The following CDH13 variants were observed in gnomAD, a reference collection of about 807,000 sequenced individuals.
CDH13 encodes cadherin 13.
CDH13 carries 24 observed loss-of-function variants against 63.8 expected under a neutral mutation model. The observed-to-expected ratio is 0.38, with a 90% CI of 0.27 to 0.53. The LOEUF (loss-of-function observed/expected upper bound fraction) is 0.53. Among genes scored for constraint, CDH13 ranks in the 20% least tolerant of loss-of-function variants. The pLI is 0.85. For synonymous variants in CDH13, 503 were observed against 355.3 expected, an observed-to-expected ratio of 1.42 and a Z score of -4.67; for missense variants, 1,049 against 903.1, an observed-to-expected ratio of 1.16 and a Z score of -2.07.
intron 8 of CDH13, among the ~76,000 whole-genome samples, chr16:83,626,088 G>A (rs565177271): frequency 6.6e-6 from 1 of 150,642 alleles, no homozygotes; most frequent in African/African-American, 2.5e-5. Flanking sequence ...ACAGTTCACT[G>A]CAGCCTCCAC....
chr16:83,507,929 G>T (rs1317530760), intron 7 of CDH13, among the ~76,000 whole-genome samples: 1 of 151,554 alleles, frequency 6.6e-6, no homozygotes, highest in Non-Finnish European at 1.5e-5. Context: ...CTACTCAGGA[G>T]GCTGAAGCAG....
At chr16:82,832,079 C>G (rs1036643440) in intron 1 of CDH13, among the ~76,000 whole-genome samples, 37 of 152,252 alleles carry the variant, frequency 2.4e-4, no homozygotes, top group African/African-American at 8.9e-4. Flanking sequence ...TGACCCTTAT[C>G]TTATAATTAC....
chr16:82,645,363 T>G (rs1264484260), intron 1 of CDH13, among the ~76,000 whole-genome samples: 1 of 152,240 alleles, frequency 6.6e-6, no homozygotes, highest in African/African-American at 2.4e-5. Context: ...TTCTGACGTC[T>G]ATCCGTGGTG....
chr16:83,407,245 A>C (rs1380554536), intron 6 of CDH13, among the ~76,000 whole-genome samples: 1 of 152,228 alleles, frequency 6.6e-6, no homozygotes, highest in Non-Finnish European at 1.5e-5. Flanking sequence ...GGCAAAGAAA[A>C]CACAGTTTTT....
At chr16:83,540,259 G>A (rs1019325188) in intron 7 of CDH13, among the ~76,000 whole-genome samples, 2 of 152,008 alleles carry the variant, frequency 1.3e-5, no homozygotes, top group African/African-American at 4.8e-5. Flanking sequence ...GAGGCTATAT[G>A]AGTAAGCGCC....
Position 82,705,619 on chromosome 16 carries a change from GACACATTTCACCACAC to G in CDH13, c.45+78485_45+78500del, listed in dbSNP as rs1344470990. Among the ~76,000 whole-genome samples, 29 of 151,900 alleles carry G rather than the reference GACACATTTCACCACAC, an allele frequency of 1.9e-4. 1 individual carries two copies. Among genetic ancestry groups the G allele is most frequent in the Admixed American group, 9.8e-4 (15 of 15,236 alleles). Reference sequence around the variant, plus strand: ...TTTTCTTATTTATTTTTTTGGTAGGGACACATTTCACCACACACGCCTGCTTCTTTCTTGCCAGTAT... The same window carrying G: ...TTTTCTTATTTATTTTTTTGGTAGGGACGCCTGCTTCTTTCTTGCCAGTAT... On this transcript the variant is annotated intron_variant, in intron 1 of 13. Coordinates refer to ENST00000567109, the MANE Select transcript of CDH13 (RefSeq NM_001257.5).
intron 8 of CDH13, among the ~76,000 whole-genome samples, chr16:83,650,976 C>G (rs1347176704): frequency 6.6e-6 from 1 of 151,632 alleles, no homozygotes; most frequent in Non-Finnish European, 1.5e-5. Context: ...TGTCACATGC[C>G]TGCAGTCCCA....
intron 2 of CDH13, among the ~76,000 whole-genome samples, chr16:82,942,555 C>G (rs1472506687): frequency 6.6e-6 from 1 of 152,156 alleles, no homozygotes; most frequent in Non-Finnish European, 1.5e-5. Flanking sequence ...TGGAGAAGTA[C>G]TTTGTGCGTC....
intron 1 of CDH13, among the ~76,000 whole-genome samples, chr16:82,832,035 G>A (rs1794248485): frequency 6.6e-6 from 1 of 152,168 alleles, no homozygotes; most frequent in South Asian, 2.1e-4. Flanking sequence ...AAATTAATTA[G>A]AATAGAAGTT....
intron 2 of CDH13, among the ~76,000 whole-genome samples, chr16:82,899,551 CA>C (rs1003596033): frequency 6.6e-6 from 1 of 152,162 alleles, no homozygotes; most frequent in Admixed American, 6.5e-5. Context: ...TTTCGGAACT[CA>C]GAAATAAATG....
At chr16:82,941,588 T>C (rs1029637733) in intron 2 of CDH13, among the ~76,000 whole-genome samples, 1 of 152,142 alleles carries the variant, frequency 6.6e-6, no homozygotes, top group Non-Finnish European at 1.5e-5. Flanking sequence ...TTCTAGAAAG[T>C]TGTATTTGGA....
chr16:82,697,697 G>A lies in CDH13; in HGVS notation c.45+70560G>A, dbSNP rs1434187764. On this transcript the variant is annotated intron_variant, in intron 1 of 13. Transcript: ENST00000567109. ...CCTGCCTCGGCCTCCTAAAGTGCTGGGATTACAGGCGTGAGCCACCGCACC... is the reference window on the plus strand; with the variant it reads ...CCTGCCTCGGCCTCCTAAAGTGCTGAGATTACAGGCGTGAGCCACCGCACC... Among the ~76,000 whole-genome samples the A allele has an allele frequency of 1.3e-5, 2 of 151,412 alleles. 1 individual carries two copies. Among genetic ancestry groups the A allele is most frequent in the East Asian group, 3.9e-4 (2 of 5,156 alleles).
chr16:83,049,523 G>A (rs1199380066), intron 3 of CDH13, among the ~76,000 whole-genome samples: 1 of 151,824 alleles, frequency 6.6e-6, no homozygotes, highest in Admixed American at 6.6e-5. Context: ...TTTTAGTAGA[G>A]ACCGGGTTTC....
At chr16:83,309,038 C>T (rs2089942075) in intron 5 of CDH13, among the ~76,000 whole-genome samples, 1 of 152,162 alleles carries the variant, frequency 6.6e-6, no homozygotes, top group African/African-American at 2.4e-5. Flanking sequence ...CCTTGTTATG[C>T]CTCAGTCCTC....
intron 3 of CDH13, among the ~76,000 whole-genome samples, chr16:83,083,395 G>A (rs1206489835): frequency 1.3e-5 from 2 of 152,174 alleles, no homozygotes; most frequent in Non-Finnish European, 2.9e-5. Flanking sequence ...CTATAAAGAA[G>A]GCAAAACAAG....
At chr16:83,691,792 C>G (rs1011643293) in intron 10 of CDH13, among the ~76,000 whole-genome samples, 1 of 152,166 alleles carries the variant, frequency 6.6e-6, no homozygotes, top group African/African-American at 2.4e-5. Context: ...GTCTGATCCA[C>G]TTCCCTAACA....
At chr16:83,765,284 G>A (rs1914290574) in intron 11 of CDH13, among the ~76,000 whole-genome samples, 1 of 151,994 alleles carries the variant, frequency 6.6e-6, no homozygotes, top group African/African-American at 2.4e-5. Flanking sequence ...TTTAAACATG[G>A]CCTCAAAATT....
At chr16:82,870,850 C>T (rs1238554344) in intron 2 of CDH13, among the ~76,000 whole-genome samples, 2 of 152,140 alleles carry the variant, frequency 1.3e-5, no homozygotes, top group African/African-American at 2.4e-5. Context: ...CTATAATGGT[C>T]CCTGAAATAT....
At chr16:83,531,504 A>G (rs933027665) in intron 7 of CDH13, among the ~76,000 whole-genome samples, 1 of 152,202 alleles carries the variant, frequency 6.6e-6, no homozygotes, top group African/African-American at 2.4e-5. Context: ...TTCCCTGCAC[A>G]AGCCCTCTTC....
Sources: allele counts gnomAD v4.1 joint callset (sites outside exome capture counted in the v4.1 genomes callset), GRCh38; gene constraint gnomAD v4.1.1; transcripts MANE v1.5; gene names NCBI Gene and HGNC (gene_info 2026-07-23, HGNC 2026-07-21).